Variants in TTC28 observed in about 807,000 individuals in gnomAD.
TTC28 encodes the protein tetratricopeptide repeat protein 28.
A neutral mutation model predicts 198.0 loss-of-function variants in TTC28; 61 were observed. The ratio of observed to expected loss-of-function variants is 0.31; its 90% confidence interval spans 0.25 to 0.38. TTC28 has a LOEUF of 0.38. Among genes scored for constraint, TTC28 ranks in the 10% least tolerant of loss-of-function variants. The pLI is 1.00. For missense variants in TTC28, 2,678 were observed against 3,164.0 expected, an observed-to-expected ratio of 0.85 and a Z score of 3.69; for synonymous variants, 1,171 against 1,297.8, an observed-to-expected ratio of 0.90 and a Z score of 2.10.
At chr22:28,217,241 T>C (rs1240891704) in intron 5 of TTC28, among the ~76,000 whole-genome samples, 1 of 151,956 alleles carries the variant, frequency 6.6e-6, no homozygotes, top group African/African-American at 2.4e-5. Flanking sequence ...ATGTACCCTA[T>C]CAATATATAT....
chr22:28,082,401 C>T (rs1490199947), intron 12 of TTC28, among the ~76,000 whole-genome samples: 1 of 152,132 alleles, frequency 6.6e-6, no homozygotes, highest in Non-Finnish European at 1.5e-5. Flanking sequence ...CATATATGGC[C>T]TTCACTATGT....
rs1433485239 is a variant in TTC28 at position 27,993,295 on chromosome 22, G to A, written c.5468C>T (p.Ser1823Phe). ...RLQQCSSTLQSLLGLPNPALQ... is the reference protein window; with the variant it reads ...RLQQCSSTLQFLLGLPNPALQ... ...CTACACCCACAGCTCACCCAGCAGG[G>A]ACTGGAGTGTGCTGCTGCACTGCTG... The change falls in exon 18 of 23, where the codon TCC (serine) becomes TTC (phenylalanine). Residue 1823 changes from serine (S) to phenylalanine (F), a missense_variant. Ser to Phe is a radical substitution (Grantham distance 155). Around this residue, in one of 8 missense-constraint regions of TTC28, gnomAD observed 314 missense variants for 442.7 expected, o/e 0.71. Transcript: ENST00000397906. 6.5e-7 allele frequency: 1 copy of A among 1,538,106 alleles called. No individual in the cohort carries two copies. The highest frequency in any genetic ancestry group is 8.8e-7 in the Non-Finnish European group (1 of 1,142,178).
chr22:28,109,582 T>C (rs759857891), intron 6 of TTC28, among the ~76,000 whole-genome samples: 7 of 152,244 alleles, frequency 4.6e-5, no homozygotes, highest in Admixed American at 6.5e-5. Context: ...AGCTAAACTA[T>C]TGTTTTAACA....
intron 2 of TTC28, among the ~76,000 whole-genome samples, chr22:28,316,031 G>A (rs370478091): frequency 3.9e-5 from 6 of 152,184 alleles, no homozygotes; most frequent in Admixed American, 3.9e-4. Flanking sequence ...CAAAGTTCTG[G>A]TAGTTCCATC....
At chr22:28,541,724 G>T (rs1447722581) in intron 2 of TTC28, among the ~76,000 whole-genome samples, 1 of 151,632 alleles carries the variant, frequency 6.6e-6, no homozygotes, top group Admixed American at 6.6e-5. Context: ...TATATATATA[G>T]AAGAAAGAAG....
chr22:28,109,842 C>A (rs562364392), intron 6 of TTC28, among the ~76,000 whole-genome samples: 1 of 152,164 alleles, frequency 6.6e-6, no homozygotes. Context: ...GTGACTAAAA[C>A]CTACAGAAGC....
intron 2 of TTC28, among the ~76,000 whole-genome samples, chr22:28,357,389 C>T (rs1246547838): frequency 2.1e-5 from 3 of 143,464 alleles, no homozygotes; most frequent in Non-Finnish European, 4.5e-5. Flanking sequence ...AATCATAGCT[C>T]ACTGCAGCTG....
At chr22:27,989,804 G>T in intron 21 of TTC28, 74 bp downstream of exon 21, 1 of 1,506,468 alleles carries the variant, frequency 6.6e-7, no homozygotes, top group Non-Finnish European at 8.9e-7. Context: ...TTGCCCAACA[G>T]AAACCAGGAG....
chr22:28,319,406 AGAG>A (rs933133961), intron 2 of TTC28, among the ~76,000 whole-genome samples: 2 of 152,218 alleles, frequency 1.3e-5, no homozygotes, highest in African/African-American at 4.8e-5. Flanking sequence ...AATTGGAGCC[AGAG>A]GAGGAGTAGA....
chr22:28,483,805 G>T (rs1305052406), intron 2 of TTC28, among the ~76,000 whole-genome samples: 3 of 152,142 alleles, frequency 2.0e-5, no homozygotes, highest in Non-Finnish European at 4.4e-5. Context: ...CCCCACATGG[G>T]TGGCAAATAC....
At chr22:28,343,107 A>C (rs1287024593) in intron 2 of TTC28, among the ~76,000 whole-genome samples, 1 of 152,242 alleles carries the variant, frequency 6.6e-6, no homozygotes, top group Admixed American at 6.5e-5. Context: ...AAATGTATTG[A>C]TTTACCTAAT....
At chr22:28,159,231 C>T (rs979772398) in intron 6 of TTC28, among the ~76,000 whole-genome samples, 11 of 152,114 alleles carry the variant, frequency 7.2e-5, no homozygotes, top group African/African-American at 2.7e-4. Flanking sequence ...TGGCTTATAT[C>T]CAAAGGACAG....
At chr22:28,121,792 A>C (rs1223619661) in intron 6 of TTC28, among the ~76,000 whole-genome samples, 1 of 152,202 alleles carries the variant, frequency 6.6e-6, no homozygotes, top group African/African-American at 2.4e-5. Context: ...AGGGTTAGTC[A>C]AGTGACACTA....
chr22:28,326,821 A>G (rs1221200874), intron 2 of TTC28, among the ~76,000 whole-genome samples: 1 of 152,128 alleles, frequency 6.6e-6, no homozygotes, highest in East Asian at 1.9e-4. Flanking sequence ...ACTGAGTCAA[A>G]CTATAACTCA....
At chr22:28,288,324 T>C (rs1601584252) in intron 5 of TTC28, among the ~76,000 whole-genome samples, 2 of 152,338 alleles carry the variant, frequency 1.3e-5, no homozygotes, top group East Asian at 3.8e-4. Flanking sequence ...ACATTGCTGA[T>C]GATATAACTT....
At position 28,533,512 on chromosome 22, in the gene TTC28, C is replaced by T. The variant is rs1369119536; in HGVS notation, c.381+96040G>A. Among the ~76,000 whole-genome samples the T allele has an allele frequency of 3.9e-5, 6 of 152,172 alleles. No homozygotes were observed. In the Middle Eastern group the frequency reaches 0.01, roughly 259 times the overall value. ...GGTAATTTATAGATTCAATGCCATC[C>T]CCATCAAGCTACCAATGACTTTCTT... On this transcript the variant is annotated intron_variant, in intron 2 of 22. Coordinates refer to ENST00000397906, the MANE Select transcript of TTC28 (RefSeq NM_001145418.2).
Position 28,345,302 on chromosome 22 carries a change from A to T in TTC28, c.382-38659T>A, listed in dbSNP as rs2045888270. On this transcript the variant is annotated intron_variant, in intron 2 of 22. Coordinates refer to ENST00000397906, the MANE Select transcript of TTC28 (RefSeq NM_001145418.2). ...TAGAACATCCAAAGCTAGACCCCCA[A>T]AATAAAAACTCACAGGAAGGAGAAA... Among the ~76,000 whole-genome samples, 5 of 152,190 alleles carry T rather than the reference A, an allele frequency of 3.3e-5. No individual in the cohort carries two copies. In the South Asian group the frequency reaches 1.0e-3, roughly 32 times the overall value.
At chr22:28,167,706 C>G (rs1381200476) in intron 5 of TTC28, among the ~76,000 whole-genome samples, 1 of 152,134 alleles carries the variant, frequency 6.6e-6, no homozygotes, top group South Asian at 2.1e-4. Flanking sequence ...AAACCCACAG[C>G]CAATATCATA....
At chr22:28,647,463 G>C (rs1412032864) in intron 1 of TTC28, among the ~76,000 whole-genome samples, 4 of 152,086 alleles carry the variant, frequency 2.6e-5, no homozygotes, top group Non-Finnish European at 4.4e-5. Flanking sequence ...AGAGGAAGAA[G>C]GTATTTGCAA....
Sources: gnomAD v4.1 joint callset for allele counts (sites outside exome capture counted in the v4.1 genomes callset) on GRCh38, gnomAD v4.1.1 for gene constraint, gnomAD v4.1.1 regional missense constraint, MANE v1.5 for transcripts, NCBI Gene and HGNC (gene_info 2026-07-23, HGNC 2026-07-21) for gene names.